Variants in MYO1D observed in about 807,000 individuals in gnomAD.
MYO1D encodes the protein myosin ID.
In MYO1D, 83 loss-of-function variants were observed where a neutral mutation model predicts 122.0. The observed-to-expected ratio is 0.68, with a 90% CI of 0.57 to 0.82. MYO1D has a LOEUF of 0.82. Among genes scored for constraint, MYO1D ranks in the 40% least tolerant of loss-of-function variants. MYO1D has a pLI of 0.00. For missense variants in MYO1D, 1,157 were observed against 1,269.5 expected, an observed-to-expected ratio of 0.91 and a Z score of 1.35; for synonymous variants, 464 against 446.9, an observed-to-expected ratio of 1.04 and a Z score of -0.48.
At chr17:32,819,226 C>G (rs1391258942) in intron 1 of MYO1D, among the ~76,000 whole-genome samples, 1 of 145,438 alleles carries the variant, frequency 6.9e-6, no homozygotes, top group East Asian at 2.0e-4. Context: ...TTTTTTCGGT[C>G]TGGATAGTGT....
intron 1 of MYO1D, among the ~76,000 whole-genome samples, chr17:32,872,544 G>T (rs1375347626): frequency 1.3e-5 from 2 of 152,054 alleles, no homozygotes; most frequent in Non-Finnish European, 2.9e-5. Flanking sequence ...AAAGTGCTGG[G>T]ATTACAGGCG....
intron 1 of MYO1D, among the ~76,000 whole-genome samples, chr17:32,872,988 G>A (rs969421356): frequency 2.0e-5 from 3 of 152,148 alleles, no homozygotes; most frequent in South Asian, 2.1e-4. Context: ...GAGCCACCGC[G>A]CCCGGCCTAG....
chr17:32,740,471 C>A (rs2089759700), intron 13 of MYO1D, among the ~76,000 whole-genome samples: 1 of 152,126 alleles, frequency 6.6e-6, no homozygotes, highest in African/African-American at 2.4e-5. Flanking sequence ...CAGGCCAAGT[C>A]ATGACTGTAA....
chr17:32,519,901 TAA>T (rs576868258), intron 21 of MYO1D, among the ~76,000 whole-genome samples: 2,667 of 132,198 alleles, frequency 0.02, 37 homozygotes, highest in East Asian at 0.043. Flanking sequence ...TTTTTTTTTT[TAA>T]AAAAAAAAAC....
At chr17:32,682,149 G>T (rs2088928213) in intron 16 of MYO1D, among the ~76,000 whole-genome samples, 1 of 137,724 alleles carries the variant, frequency 7.3e-6, no homozygotes, top group Admixed American at 7.4e-5. Context: ...GTGTGTCTCT[G>T]CACGTGAGAT....
intron 16 of MYO1D, among the ~76,000 whole-genome samples, chr17:32,710,388 A>G (rs1331368753): frequency 6.6e-6 from 1 of 152,202 alleles, no homozygotes; most frequent in Non-Finnish European, 1.5e-5. Flanking sequence ...CTTTCTCACC[A>G]TATGGAGAAA....
At chr17:32,604,201 AC>A (rs5819990) in intron 21 of MYO1D, among the ~76,000 whole-genome samples, 69,443 of 150,770 alleles carry the variant, frequency 0.46, 16,360 homozygotes, top group Middle Eastern at 0.56. Context: ...AAAAAAAAAA[AC>A]ATACTAATAA....
At chr17:32,636,727 C>T (rs1385453655) in intron 20 of MYO1D, among the ~76,000 whole-genome samples, 1 of 152,236 alleles carries the variant, frequency 6.6e-6, no homozygotes, top group Non-Finnish European at 1.5e-5. Context: ...CTGGAACTGT[C>T]TTGGCCAATG....
At chr17:32,534,944 C>T (rs1052021492) in intron 21 of MYO1D, among the ~76,000 whole-genome samples, 3 of 152,052 alleles carry the variant, frequency 2.0e-5, no homozygotes, top group Middle Eastern at 3.2e-3. Flanking sequence ...TGCCCAACTA[C>T]GTATAGAGAA....
chr17:32,676,404 AAGGGC>A (rs2088810124), intron 16 of MYO1D, among the ~76,000 whole-genome samples: 1 of 143,304 alleles, frequency 7.0e-6, no homozygotes, highest in African/African-American at 2.7e-5. Flanking sequence ...AATGATCTGT[AAGGGC>A]TTTTTGTATA....
chr17:32,875,993 G>A (rs1464095254), intron 1 of MYO1D, among the ~76,000 whole-genome samples: 7 of 152,088 alleles, frequency 4.6e-5, no homozygotes. Context: ...CCACATCTTG[G>A]AAGCCCATTT....
intron 21 of MYO1D, among the ~76,000 whole-genome samples, chr17:32,545,685 T>C (rs1435328678): frequency 3.9e-5 from 6 of 152,194 alleles, no homozygotes; most frequent in African/African-American, 1.4e-4. Flanking sequence ...TATACATTCT[T>C]ATTGTGATAC....
intron 1 of MYO1D, among the ~76,000 whole-genome samples, chr17:32,801,714 C>T (rs2090462902): frequency 6.6e-6 from 1 of 152,120 alleles, no homozygotes; most frequent in Non-Finnish European, 1.5e-5. Flanking sequence ...TGTGTGTGTG[C>T]ATTCCCCAAC....
At chr17:32,767,342 T>C (rs2090068500) in intron 7 of MYO1D, among the ~76,000 whole-genome samples, 3 of 152,204 alleles carry the variant, frequency 2.0e-5, no homozygotes, top group African/African-American at 7.2e-5. Flanking sequence ...TTTATACCAC[T>C]AGTAGTCACA....
chr17:32,723,140 A>G (rs1236918996), intron 14 of MYO1D, among the ~76,000 whole-genome samples: 1 of 152,190 alleles, frequency 6.6e-6, no homozygotes, highest in African/African-American at 2.4e-5. Flanking sequence ...CCAGGGGGAC[A>G]GAAGCTCCTG....
Position 32,494,737 on chromosome 17 carries a change from C to T in MYO1D, c.*22G>A, listed in dbSNP as rs535712290. ...CAGGACTCGGAGTGTGGCCGGGCTC[C>T]GGGCCAGGCCTCCGCGGGGCGTCAG... On this transcript the variant is annotated 3_prime_UTR_variant, in exon 22 of 22. Transcript: ENST00000318217. 196 of 1,571,916 alleles carry T rather than the reference C, an allele frequency of 1.2e-4. 1 individual carries two copies. The highest frequency in any genetic ancestry group is 5.3e-4 in the Admixed American group (29 of 55,012).
rs151175623 is a variant in MYO1D, at chr17:32,633,295, C to G, written c.2709+5427G>C. On this transcript the variant is annotated intron_variant, in intron 20 of 21. Transcript: ENST00000318217. ...AACAAAATCAATAAGAGAGACAGAC[C>G]TACAGCAAAACTGATCTTGGAAGAA... Among the ~76,000 whole-genome samples the G allele has an allele frequency of 5.6e-4, 85 of 152,062 alleles. 1 individual carries two copies. The East Asian group carries it at 0.016, about 29-fold the overall frequency.
chr17:32,860,774 T>G (rs1284580942), intron 1 of MYO1D, among the ~76,000 whole-genome samples: 1 of 152,184 alleles, frequency 6.6e-6, no homozygotes, highest in Non-Finnish European at 1.5e-5. Flanking sequence ...AGTCCTGACT[T>G]TCTGTGTTTC....
intron 20 of MYO1D, among the ~76,000 whole-genome samples, chr17:32,620,551 C>T (rs114262845): frequency 1.3e-5 from 2 of 152,138 alleles, no homozygotes; most frequent in Non-Finnish European, 2.9e-5. Flanking sequence ...AGGGAACCCC[C>T]CCCTGCCAAG....
Sources: allele counts gnomAD v4.1 joint callset (sites outside exome capture counted in the v4.1 genomes callset), GRCh38; gene constraint gnomAD v4.1.1; transcripts MANE v1.5; gene names NCBI Gene and HGNC (gene_info 2026-07-23, HGNC 2026-07-21).